The following ELP4 variants were observed in gnomAD, a reference collection of about 807,000 sequenced individuals.
The protein encoded by ELP4 is elongator acetyltransferase complex subunit 4.
In ELP4, 51 loss-of-function variants were observed where a neutral mutation model predicts 48.9. That is an observed-to-expected ratio of 1.04 (90% CI 0.83 to 1.32). The LOEUF (loss-of-function observed/expected upper bound fraction) is 1.32. Among genes scored for constraint, ELP4 ranks in the 40% most tolerant of loss-of-function variants. The pLI, the probability that ELP4 is intolerant of heterozygous loss-of-function variation, is 0.00. For missense variants in ELP4, 519 were observed against 514.6 expected (o/e 1.01, Z -0.08); for synonymous variants, 210 against 189.2 (o/e 1.11, Z -0.90).
intron 9 of ELP4, among the ~76,000 whole-genome samples, chr11:31,774,878 A>G (rs537853936): frequency 6.6e-6 from 1 of 152,362 alleles, no homozygotes; most frequent in East Asian, 1.9e-4. Flanking sequence ...AAGTTCATGT[A>G]TCTCTCACAT....
At chr11:31,620,408 G>C (rs188472596) in intron 5 of ELP4, among the ~76,000 whole-genome samples, 2 of 152,076 alleles carry the variant, frequency 1.3e-5, no homozygotes, top group East Asian at 3.9e-4. Context: ...AGGGTCAAAT[G>C]ATTGCCTATG....
chr11:31,543,874 G>GT (rs1167912397), intron 3 of ELP4, among the ~76,000 whole-genome samples: 4 of 152,024 alleles, frequency 2.6e-5, no homozygotes, highest in Admixed American at 1.3e-4. Flanking sequence ...TAAAAAGGTG[G>GT]TTTTTTATGA....
intron 9 of ELP4, among the ~76,000 whole-genome samples, chr11:31,744,702 A>T (rs938795219): frequency 6.6e-6 from 1 of 152,238 alleles, no homozygotes. Context: ...CTTCATGCTA[A>T]AAACTCTCAA....
intron 3 of ELP4, among the ~76,000 whole-genome samples, chr11:31,572,197 C>T (rs755664612): frequency 5.9e-5 from 9 of 152,222 alleles, no homozygotes; most frequent in Non-Finnish European, 1.3e-4. Context: ...GCTGCAGTTT[C>T]AACTTCAAGA....
chr11:31,658,194 ATGT>A (rs1945478374), intron 9 of ELP4, among the ~76,000 whole-genome samples: 1 of 152,012 alleles, frequency 6.6e-6, no homozygotes, highest in South Asian at 2.1e-4. Flanking sequence ...TCAATAAAAA[ATGT>A]TTTTTTAAAT....
At chr11:31,720,528 GTC>G (rs1946938889) in intron 9 of ELP4, among the ~76,000 whole-genome samples, 1 of 198 alleles carries the variant, frequency 5.1e-3, no homozygotes, top group Non-Finnish European at 0.013. Context: ...AGGAATTAAA[GTC>G]TCTTTCAGTG....
intron 5 of ELP4, among the ~76,000 whole-genome samples, chr11:31,619,018 G>A (rs1944557517): frequency 6.6e-6 from 1 of 152,052 alleles, no homozygotes; most frequent in South Asian, 2.1e-4. Flanking sequence ...ATGGATTTAA[G>A]TGAAAATGTA....
intron 4 of ELP4, chr11:31,600,635 A>G (rs1957765078): frequency 6.6e-6 from 1 of 152,208 alleles, no homozygotes; most frequent in Admixed American, 6.6e-5. Flanking sequence ...CACAATTTAC[A>G]GAATATTCAT....
chr11:31,789,291 A>G lies in ELP4; in HGVS notation c.*5767A>G, dbSNP rs1949037641. ...TTTGACATAAAACAAATTGGATTAT[A>G]TCGAAGACACACTCTACCTTTTAGC... On this transcript the variant is annotated 3_prime_UTR_variant, in exon 10 of 10. Transcript: ENST00000640961. 4.3e-6 allele frequency: 1 copy of G among 230,934 alleles called. No individual in the cohort carries two copies. Among genetic ancestry groups the G allele is most frequent in the African/African-American group, 2.2e-5 (1 of 45,094 alleles). 14.3% of individuals were successfully genotyped at this position (230,934 alleles called of 1,614,324 possible). A position where few individuals can be genotyped will look rare whatever the true frequency, so the allele number is the denominator to read the frequency against.
In ELP4 at chr11:31,603,785, T is replaced by A; in HGVS notation, c.531T>A (p.Ser177=). 6.2e-7 allele frequency: 1 copy of A among 1,610,038 alleles called. No homozygotes were observed. The highest frequency in any genetic ancestry group is 1.3e-5 in the African/African-American group (1 of 74,944). Residue 177 remains serine, a synonymous_variant, in exon 5 of 10, where the codon TCT becomes TCA. Coordinates refer to ENST00000640961, the MANE Select transcript of ELP4 (RefSeq NM_019040.5). The part of the protein sequence containing the change: ...LPKMEIGPVS[S]SRFGHYYDAS... ...TTTAGCAGATTGGACCAGTATCATC[T>A]TCAAGATTTGGTCACTATTATGATG...
At chr11:31,781,039 G>A (rs1948361595) in intron 9 of ELP4, among the ~76,000 whole-genome samples, 1 of 152,072 alleles carries the variant, frequency 6.6e-6, no homozygotes, top group Non-Finnish European at 1.5e-5. Flanking sequence ...TACCTAACTT[G>A]GAGTGTTCCC....
In ELP4 at chr11:31,781,093, T is replaced by C. The variant is rs574906437; in HGVS notation, c.1144-2300T>C. 4.7e-4 allele frequency among the ~76,000 whole-genome samples: 72 copies of C among 152,352 alleles called. No individual in the cohort carries two copies. In the South Asian group the frequency reaches 0.013, roughly 28 times the overall value. On this transcript the variant is annotated intron_variant, in intron 9 of 9. Coordinates refer to ENST00000640961, the MANE Select transcript of ELP4 (RefSeq NM_019040.5). ...GCTTGCCTTATTCATATTACTGTAT[T>C]GTAAGGAAATGAATGTGGAAGGTAC...
intron 3 of ELP4, among the ~76,000 whole-genome samples, chr11:31,547,084 C>T (rs1360070933): frequency 1.3e-5 from 2 of 151,874 alleles, no homozygotes; most frequent in Non-Finnish European, 2.9e-5. Context: ...AACTAGAGAA[C>T]CAAGAGCAAA....
chr11:31,652,349 A>G lies in ELP4; in HGVS notation c.1143+2128A>G, dbSNP rs1945338643. 3.9e-5 allele frequency: 6 copies of G among 151,910 alleles called. No homozygotes were observed. In the South Asian group the frequency reaches 1.2e-3, roughly 31 times the overall value. The allele number at this position is 151,910 out of a possible 1,614,324, so 9.4% of individuals were successfully genotyped here. ...AAACAAACCAAATGGAAGTACATAT[A>G]TAGGTATAATTAGAATAGAATAAAA... On this transcript the variant is annotated intron_variant, in intron 9 of 9. Coordinates refer to ENST00000640961, the MANE Select transcript of ELP4 (RefSeq NM_019040.5).
chr11:31,776,947 C>G (rs1948260642), intron 9 of ELP4, among the ~76,000 whole-genome samples: 1 of 152,200 alleles, frequency 6.6e-6, no homozygotes, highest in South Asian at 2.1e-4. Flanking sequence ...CAAATGTACA[C>G]TTGCCAATCC....
At chr11:31,553,016 G>A (rs1956876617) in intron 3 of ELP4, among the ~76,000 whole-genome samples, 1 of 152,026 alleles carries the variant, frequency 6.6e-6, no homozygotes, top group African/African-American at 2.4e-5. Flanking sequence ...TCTCAGCAGG[G>A]CCTAATCTAA....
intron 2 of ELP4, among the ~76,000 whole-genome samples, chr11:31,522,458 C>T (rs1231851818): frequency 6.6e-6 from 1 of 152,110 alleles, no homozygotes; most frequent in Admixed American, 6.5e-5. Context: ...AATTTATGTA[C>T]ATTTATATAG....
intron 3 of ELP4, among the ~76,000 whole-genome samples, chr11:31,550,907 C>G (rs557484270): frequency 2.6e-5 from 4 of 152,144 alleles, no homozygotes; most frequent in Non-Finnish European, 4.4e-5. Context: ...TGACTTGACC[C>G]CTTATGCTTT....
chr11:31,549,311 C>G (rs2133924368), intron 3 of ELP4, among the ~76,000 whole-genome samples: 1 of 151,866 alleles, frequency 6.6e-6, no homozygotes, highest in South Asian at 2.1e-4. Context: ...ATAACCCCAT[C>G]AATAAGTGGG....
Sources: allele counts gnomAD v4.1 joint callset (sites outside exome capture counted in the v4.1 genomes callset), GRCh38; gene constraint gnomAD v4.1.1; transcripts MANE v1.5; gene names NCBI Gene and HGNC (gene_info 2026-07-23, HGNC 2026-07-21).